OR9Q1: variants seen among roughly 807,000 people sequenced by gnomAD.
OR9Q1 encodes olfactory receptor 9Q1.
For synonymous variants in OR9Q1, 153 were observed against 148.6 expected (o/e 1.03, Z -0.22); for missense variants, 374 against 378.8 (o/e 0.99, Z 0.11).
At chr11:58,047,120 C>A (rs1213854856) in intron 1 of OR9Q1, 2 of 152,148 alleles carry the variant, frequency 1.3e-5, no homozygotes, top group African/African-American at 4.8e-5. Context: ...TTATCTTTGC[C>A]TTTAGCAAGG....
intron 2 of OR9Q1, among the ~76,000 whole-genome samples, chr11:58,166,688 C>T (rs912061017): frequency 6.6e-6 from 1 of 152,134 alleles, no homozygotes; most frequent in Non-Finnish European, 1.5e-5. Flanking sequence ...CCCCATTTCC[C>T]ACAATTTTAT....
At chr11:58,057,690 G>GT (rs1233704973) in intron 2 of OR9Q1, 1 of 151,904 alleles carries the variant, frequency 6.6e-6, no homozygotes, top group Non-Finnish European at 1.5e-5. Context: ...GACCTGGATG[G>GT]CAGGACAGCT....
At chr11:58,083,607 T>G (rs1240018788) in intron 2 of OR9Q1, among the ~76,000 whole-genome samples, 1 of 151,886 alleles carries the variant, frequency 6.6e-6, no homozygotes, top group Non-Finnish European at 1.5e-5. Context: ...TACATTTAAG[T>G]CTTTAATCCA....
chr11:58,079,633 T>C (rs748294916), intron 2 of OR9Q1, among the ~76,000 whole-genome samples: 4 of 152,164 alleles, frequency 2.6e-5, no homozygotes, highest in Admixed American at 6.6e-5. Flanking sequence ...CTCAAAAGGC[T>C]TTGAGCCTGC....
chr11:58,105,828 G>GT (rs11310142), intron 2 of OR9Q1, among the ~76,000 whole-genome samples: 1 of 152,024 alleles, frequency 6.6e-6, no homozygotes, highest in African/African-American at 2.4e-5. Flanking sequence ...CTAATATTCT[G>GT]TTTTTTTGTC....
In OR9Q1 at chr11:58,112,504, C is replaced by A. The variant is rs140406102; in HGVS notation, c.-15+56557C>A. On this transcript the variant is annotated intron_variant, in intron 2 of 2. Coordinates refer to ENST00000335397, the MANE Select transcript of OR9Q1 (RefSeq NM_001005212.4). ...CCTTTTTTTCCTAGAAGGGCCATAC[C>A]TTTTAGTCCAGCCCTGGACATGTCC... is the stretch of plus-strand genomic sequence containing the variant. 6.6e-3 allele frequency among the ~76,000 whole-genome samples: 1,008 copies of A among 152,124 alleles called. 7 individuals are homozygous for A. The highest frequency in any genetic ancestry group is 0.023 in the African/African-American group (973 of 41,508).
At chr11:58,034,100 T>TTA (rs1491270158) in intron 1 of OR9Q1, among the ~76,000 whole-genome samples, 12 of 103,354 alleles carry the variant, frequency 1.2e-4, no homozygotes, top group African/African-American at 3.8e-4. Context: ...TTTTTTTTTT[T>TTA]AGACAGAGTC....
rs571554839 is a variant in OR9Q1 at position 58,029,654 on chromosome 11, C to G, written c.-93+5550C>G. On this transcript the variant is annotated intron_variant, in intron 1 of 2. Transcript: ENST00000335397. Reference sequence around the variant, plus strand: ...AAAAATGGGATTATTTAGTGATTCACTCATGGTCACATATTTCAAGTTGAT... The same window carrying G: ...AAAAATGGGATTATTTAGTGATTCAGTCATGGTCACATATTTCAAGTTGAT... 2.6e-5 allele frequency among the ~76,000 whole-genome samples: 4 copies of G among 152,208 alleles called. No homozygotes were observed. In the South Asian group the frequency reaches 8.3e-4, roughly 32 times the overall value.
chr11:58,114,676 C>T (rs1853933704), intron 2 of OR9Q1, among the ~76,000 whole-genome samples: 6 of 152,156 alleles, frequency 3.9e-5, no homozygotes, highest in Admixed American at 3.9e-4. Flanking sequence ...ATGCCACTTC[C>T]TTCAGAGTTA....
chr11:58,150,093 T>C (rs1195121648), intron 2 of OR9Q1, among the ~76,000 whole-genome samples: 2 of 152,214 alleles, frequency 1.3e-5, no homozygotes, highest in Non-Finnish European at 2.9e-5. Flanking sequence ...TGGCAATATA[T>C]AAGAGTTCTA....
At chr11:58,127,287 T>C (rs1037525552) in intron 2 of OR9Q1, among the ~76,000 whole-genome samples, 4 of 152,092 alleles carry the variant, frequency 2.6e-5, no homozygotes, top group Admixed American at 2.6e-4. Flanking sequence ...TGGGAAGAGA[T>C]GCATCTTAGG....
intron 2 of OR9Q1, among the ~76,000 whole-genome samples, chr11:58,166,550 A>G (rs1366899694): frequency 6.6e-6 from 1 of 152,174 alleles, no homozygotes; most frequent in Non-Finnish European, 1.5e-5. Context: ...AATTTTTTCC[A>G]ATAACAAACA....
rs192617077 is a variant in OR9Q1, at chr11:58,122,752, C to T, written c.-14-56679C>T. On this transcript the variant is annotated intron_variant, in intron 2 of 2. Coordinates refer to ENST00000335397, the MANE Select transcript of OR9Q1 (RefSeq NM_001005212.4). ...GTCCTGCCTCATTCTTACTCCTTCC[C>T]CTGTTCCTCTTAAGTGTGCACTCCA... is the stretch of plus-strand genomic sequence containing the variant. Among the ~76,000 whole-genome samples the T allele has an allele frequency of 3.9e-5, 6 of 152,026 alleles. No individual in the cohort carries two copies. In the East Asian group the frequency reaches 9.7e-4, roughly 24 times the overall value.
At chr11:58,166,714 G>A (rs1242288039) in intron 2 of OR9Q1, among the ~76,000 whole-genome samples, 3 of 152,122 alleles carry the variant, frequency 2.0e-5, no homozygotes, top group East Asian at 1.9e-4. Flanking sequence ...GCATAGTTTG[G>A]TTCACTGTGG....
chr11:58,148,338 T>C (rs956156630), intron 2 of OR9Q1, among the ~76,000 whole-genome samples: 11 of 152,164 alleles, frequency 7.2e-5, no homozygotes, highest in Non-Finnish European at 1.5e-4. Context: ...TTTTTGTATA[T>C]GGGAATGCAT....
At chr11:58,118,434 G>A (rs753275835) in intron 2 of OR9Q1, 41 of 1,034,778 alleles carry the variant, frequency 4.0e-5, no homozygotes, top group Non-Finnish European at 5.1e-5. Flanking sequence ...TATAGTAATG[G>A]TGCCTATTAG....
In OR9Q1 at chr11:58,052,749, G is replaced by C. The variant is rs28846145; in HGVS notation, c.-92-3121G>C. Among the ~76,000 whole-genome samples the C allele has an allele frequency of 6.4e-3, 936 of 147,076 alleles. 16 individuals are homozygous for C. Among genetic ancestry groups the C allele is most frequent in the African/African-American group, 0.023 (897 of 39,206 alleles). On this transcript the variant is annotated intron_variant, in intron 1 of 2. Transcript: ENST00000335397. The stretch of plus-strand genomic sequence containing the variant: ...TCTACAATGAACTCAAACAAATTTA[G>C]GAGAAAAAAACAAACAACCCCATCA...
intron 2 of OR9Q1, among the ~76,000 whole-genome samples, chr11:58,150,861 A>G (rs1854344365): frequency 6.6e-6 from 1 of 152,140 alleles, no homozygotes; most frequent in African/African-American, 2.4e-5. Context: ...GTCCTTCAGG[A>G]GGTATTCCAG....
intron 2 of OR9Q1, among the ~76,000 whole-genome samples, chr11:58,147,453 G>C (rs568558269): frequency 6.6e-6 from 1 of 152,148 alleles, no homozygotes; most frequent in Non-Finnish European, 1.5e-5. Context: ...CTTAAAGGCA[G>C]GAAAAGTCTT....
Sources: gnomAD v4.1 joint callset for allele counts (sites outside exome capture counted in the v4.1 genomes callset) on GRCh38, gnomAD v4.1.1 for gene constraint, MANE v1.5 for transcripts, NCBI Gene and HGNC (gene_info 2026-07-23, HGNC 2026-07-21) for gene names.